Variants in ELOVL4 observed in about 807,000 individuals in gnomAD.
ELOVL4 encodes very long chain fatty acid elongase 4.
In ELOVL4, 18 loss-of-function variants were observed where a neutral mutation model predicts 42.1. The observed-to-expected ratio is 0.43, with a 90% confidence interval of 0.30 to 0.63. The LOEUF is 0.63. ELOVL4 is among the 30% of genes least tolerant of loss of function. The pLI, the probability that ELOVL4 is intolerant of heterozygous loss-of-function variation, is 0.15. For synonymous variants in ELOVL4, 117 were observed against 127.0 expected (o/e 0.92, Z 0.53); for missense variants, 299 against 376.2 (o/e 0.79, Z 1.70).
In ELOVL4 at chr6:79,928,428, G is replaced by GA. The variant is rs570524106; in HGVS notation, c.101-2048dup. On this transcript the variant is annotated intron_variant, in intron 1 of 5. Coordinates refer to ENST00000369816, the MANE Select transcript of ELOVL4 (RefSeq NM_022726.4). Reference sequence around the variant, plus strand: ...CAAAGAAAGTTCTGAGTAGCGGGTAGAAAAAAAAAATTAAAGAAATAGGTC... The same window carrying GA: ...CAAAGAAAGTTCTGAGTAGCGGGTAGAAAAAAAAAAATTAAAGAAATAGGTC... Among the ~76,000 whole-genome samples, 199 of 149,298 alleles carry GA rather than the reference G, an allele frequency of 1.3e-3. 7 individuals are homozygous for GA. In the South Asian group the frequency reaches 0.036, roughly 27 times the overall value.
intron 1 of ELOVL4, among the ~76,000 whole-genome samples, chr6:79,944,952 G>A (rs577638410): frequency 1.4e-5 from 2 of 138,040 alleles, no homozygotes; most frequent in African/African-American, 5.4e-5. Context: ...ATCAAATTAT[G>A]CTGAGAGGTG....
intron 4 of ELOVL4, 73 bp downstream of exon 4, chr6:79,921,552 T>C (rs1490795421): frequency 4.0e-6 from 5 of 1,258,328 alleles, no homozygotes; most frequent in Non-Finnish European, 5.7e-6. Context: ...GTCAAAGTCC[T>C]AGGTTCTCAT....
intron 1 of ELOVL4, among the ~76,000 whole-genome samples, chr6:79,945,043 A>G (rs1318602188): frequency 6.6e-6 from 1 of 151,842 alleles, no homozygotes; most frequent in Non-Finnish European, 1.5e-5. Flanking sequence ...GAGGGAGAGT[A>G]AACGTAAATG....
intron 1 of ELOVL4, among the ~76,000 whole-genome samples, chr6:79,931,870 CAGA>C (rs1318919716): frequency 6.6e-6 from 1 of 152,174 alleles, no homozygotes; most frequent in Non-Finnish European, 1.5e-5. Context: ...CTTTTGTACA[CAGA>C]AGGAGTTGTC....
chr6:79,919,290 C>A (rs566752852), intron 5 of ELOVL4, 130 bp downstream of exon 5: 1 of 1,036,296 alleles, frequency 9.6e-7, no homozygotes, highest in Admixed American at 1.9e-5. Context: ...GGCATAACTG[C>A]GATATAGCTG....
intron 1 of ELOVL4, among the ~76,000 whole-genome samples, chr6:79,930,073 C>T (rs865264): frequency 0.28 from 42,842 of 152,072 alleles, 8,222 homozygotes; most frequent in African/African-American, 0.55. Flanking sequence ...CTCCTCTATG[C>T]TGGCATAATA....
chr6:79,916,648 T>C lies in ELOVL4; in HGVS notation c.905A>G (p.Asn302Ser). 6.2e-7 allele frequency: 1 copy of C among 1,614,198 alleles called. No individual in the cohort carries two copies. Among genetic ancestry groups the C allele is most frequent in the South Asian group, 1.1e-5 (1 of 91,090 alleles). The change falls in exon 6 of 6, where the codon AAT becomes AGT. Residue 302 changes from asparagine (N) to serine (S), a missense_variant. Physicochemically the swap from Asn to Ser is conservative, Grantham distance 46 (BLOSUM62 1). Transcript: ENST00000369816. ...TTTTCCATTTTTCTGCTTTTTTCCA[T>C]TTTCTATCATGAGTTGTTTTTCTGA... ...SKSEKQLMIENGKKQKNGKAK... is the reference protein window; with the variant it reads ...SKSEKQLMIESGKKQKNGKAK...
intron 1 of ELOVL4, among the ~76,000 whole-genome samples, chr6:79,929,547 G>A (rs1774409324): frequency 6.6e-6 from 1 of 152,124 alleles, no homozygotes; most frequent in Non-Finnish European, 1.5e-5. Context: ...AGCCCATGCA[G>A]CCCATTTCTA....
intron 1 of ELOVL4, among the ~76,000 whole-genome samples, chr6:79,942,496 C>G (rs149138734): frequency 2.0e-5 from 3 of 152,066 alleles, no homozygotes; most frequent in African/African-American, 7.2e-5. Context: ...AAAATACTTA[C>G]GTTAATAATG....
In ELOVL4 at chr6:79,916,517, C is replaced by T. The variant is rs1774163135; in HGVS notation, c.*91G>A. The stretch of plus-strand genomic sequence containing the variant: ...GCACATTTGTCTTTTCTCCCCACCC[C>T]CAAGCTCTCCTTTGCTTCTGTTTTC... On this transcript the variant is annotated 3_prime_UTR_variant, in exon 6 of 6. Transcript: ENST00000369816. 6 of 1,522,104 alleles carry T rather than the reference C, an allele frequency of 3.9e-6. No individual in the cohort carries two copies. The African/African-American group carries it at 5.5e-5, about 14-fold the overall frequency. 94.3% of individuals were successfully genotyped at this position (1,522,104 alleles called of 1,614,324 possible). A position where few individuals can be genotyped will look rare whatever the true frequency, so the allele number is the denominator to read the frequency against.
At chr6:79,921,926 G>T in intron 3 of ELOVL4, 130 bp from the exon 4 acceptor site, 1 of 876,640 alleles carries the variant, frequency 1.1e-6, no homozygotes, top group Non-Finnish European at 1.8e-6. Context: ...ATCATTAATG[G>T]CTAAGTAGGT....
intron 1 of ELOVL4, among the ~76,000 whole-genome samples, chr6:79,933,442 G>C (rs1189397486): frequency 6.6e-6 from 1 of 152,008 alleles, no homozygotes; most frequent in Non-Finnish European, 1.5e-5. Flanking sequence ...TGTTGCTCAG[G>C]CTGGCCCTGA....
intron 1 of ELOVL4, among the ~76,000 whole-genome samples, chr6:79,941,121 ATATT>A (rs1263874875): frequency 1.3e-5 from 2 of 152,232 alleles, no homozygotes; most frequent in East Asian, 3.8e-4. Context: ...TGATAAATGT[ATATT>A]TATTTGAAAT....
intron 3 of ELOVL4, among the ~76,000 whole-genome samples, chr6:79,924,355 C>A (rs1464693907): frequency 6.6e-6 from 1 of 152,096 alleles, no homozygotes; most frequent in East Asian, 1.9e-4. Flanking sequence ...AAAATAATGT[C>A]TTTAAAATAA....
At chr6:79,940,105 G>A (rs1280462373) in intron 1 of ELOVL4, among the ~76,000 whole-genome samples, 4 of 152,228 alleles carry the variant, frequency 2.6e-5, no homozygotes, top group Admixed American at 1.3e-4. Context: ...ACACATCTGT[G>A]CTCAAGTTTT....
At position 79,947,286 on chromosome 6, in the gene ELOVL4, G is replaced by A; in HGVS notation, c.-7C>T. On this transcript the variant is annotated 5_prime_UTR_variant, in exon 1 of 6. Transcript: ENST00000369816. The stretch of plus-strand genomic sequence containing the variant: ...CCGAGTCCAGGAGCCCCATCGCGGC[G>A]ATGAGCGGGCGCTGGCGGCAGGAGA... 1 of 1,608,456 alleles carries A rather than the reference G, an allele frequency of 6.2e-7. No homozygotes were observed. Among genetic ancestry groups the A allele is most frequent in the Non-Finnish European group, 8.5e-7 (1 of 1,176,292 alleles).
chr6:79,927,704 T>C (rs941449340), intron 1 of ELOVL4, among the ~76,000 whole-genome samples: 1 of 151,822 alleles, frequency 6.6e-6, no homozygotes, highest in Non-Finnish European at 1.5e-5. Flanking sequence ...ACTCGAGATA[T>C]GGGAAAAAAA....
chr6:79,925,541 T>C (rs1307301024), intron 2 of ELOVL4, among the ~76,000 whole-genome samples: 1 of 152,222 alleles, frequency 6.6e-6, no homozygotes, highest in Non-Finnish European at 1.5e-5. Flanking sequence ...AGAATTTTAA[T>C]GAGTCTCTTA....
At chr6:79,927,196 A>T (rs963641263) in intron 1 of ELOVL4, among the ~76,000 whole-genome samples, 14 of 152,248 alleles carry the variant, frequency 9.2e-5, no homozygotes, top group South Asian at 4.1e-4. Context: ...TGAAACAAGC[A>T]TGATAATGAA....
Sources: allele counts gnomAD v4.1 joint callset (sites outside exome capture counted in the v4.1 genomes callset), GRCh38; gene constraint gnomAD v4.1.1; transcripts MANE v1.5; gene names NCBI Gene and HGNC (gene_info 2026-07-23, HGNC 2026-07-21).